Variants in JUP observed in about 807,000 individuals in gnomAD.
The protein encoded by JUP is catenin (cadherin-associated protein), gamma 80kDa.
A neutral mutation model predicts 71.1 loss-of-function variants in JUP; 28 were observed. The ratio of observed to expected loss-of-function variants is 0.39; its 90% CI spans 0.29 to 0.54. The LOEUF is 0.54. JUP is among the 20% of genes least tolerant of loss of function. The pLI, the probability that JUP is intolerant of heterozygous loss-of-function variation, is 0.62. For missense variants in JUP, 869 were observed against 1,030.1 expected (o/e 0.84, Z 2.14); for synonymous variants, 401 against 438.9 (o/e 0.91, Z 1.08).
At chr17:41,773,696 G>T (rs1423910050) in intron 1 of JUP, among the ~76,000 whole-genome samples, 1 of 152,014 alleles carries the variant, frequency 6.6e-6, no homozygotes, top group Non-Finnish European at 1.5e-5. Context: ...GGGGGGCGGG[G>T]GGCGGGGTGC....
Position 41,755,672 on chromosome 17 carries a change from G to C in JUP, c.*72C>G. ...CAGGTTTCAGCGGGGAGATGGGAGG[G>C]CCTCCAACAGAAGGAGGTTCTAGAG... On this transcript the variant is annotated 3_prime_UTR_variant, in exon 14 of 14. Transcript: ENST00000393931. The C allele has an allele frequency of 7.3e-7, 1 of 1,377,376 alleles. No individual in the cohort carries two copies. Among genetic ancestry groups the C allele is most frequent in the Non-Finnish European group, 9.7e-7 (1 of 1,026,050 alleles). 85.3% of individuals were successfully genotyped at this position (1,377,376 alleles called of 1,614,324 possible). A position where few individuals can be genotyped will look rare whatever the true frequency, so the allele number is the denominator to read the frequency against.
intron 12 of JUP, 89 bp from the exon 13 acceptor site, chr17:41,756,303 TA>T: frequency 6.7e-6 from 9 of 1,340,492 alleles, no homozygotes. Context: ...GAGATGCTTC[TA>T]AAAGAGGGGG....
Position 41,769,657 on chromosome 17 carries a change from A to G in JUP, c.229T>C (p.Ser77Pro). 1 of 1,608,720 alleles carries G rather than the reference A, an allele frequency of 6.2e-7. No homozygotes were observed. Among genetic ancestry groups the G allele is most frequent in the Non-Finnish European group, 8.5e-7 (1 of 1,178,372 alleles). ...ACCCGTTTGGCCCTGGCTGTTGTGG[A>G]CATCTGGTACTCCAGATCACCTGGG... ...PSQGDLEYQMSTTARAKRVRE... is the reference protein window; with the variant it reads ...PSQGDLEYQMPTTARAKRVRE... Residue 77 changes from serine (S) to proline (P), a missense_variant, in exon 3 of 14, where the codon TCC becomes CCC. By Grantham distance (74) the Ser-to-Pro change is moderately conservative. Transcript: ENST00000393931.
At chr17:41,760,375 C>G (rs1555600621) in intron 8 of JUP, among the ~76,000 whole-genome samples, 1 of 151,146 alleles carries the variant, frequency 6.6e-6, no homozygotes, top group African/African-American at 2.4e-5. Context: ...CCTGCCTCAG[C>G]CTCCTGAGTA....
chr17:41,771,869 G>A lies in JUP; in HGVS notation c.-8-7C>T, dbSNP rs1555607177. ...ATCACCTCCATCGTGGCTACTGGGGGCACAAAGGAGGAAGTCAGGAAGCAG... is the reference window on the plus strand; with the variant it reads ...ATCACCTCCATCGTGGCTACTGGGGACACAAAGGAGGAAGTCAGGAAGCAG... On this transcript the variant is annotated splice_region_variant and splice_polypyrimidine_tract_variant and intron_variant, in intron 1 of 13. Transcript: ENST00000393931. 2 of 1,599,836 alleles carry A rather than the reference G, an allele frequency of 1.3e-6. No homozygotes were observed. The highest frequency in any genetic ancestry group is 1.7e-6 in the Non-Finnish European group (2 of 1,173,026).
At chr17:41,757,280 G>T in intron 12 of JUP, 135 bp downstream of exon 12, 1 of 1,032,820 alleles carries the variant, frequency 9.7e-7, no homozygotes, top group Non-Finnish European at 1.5e-6. Flanking sequence ...CATCTGCTAG[G>T]AATTGTTATA....
At position 41,763,144 on chromosome 17, in the gene JUP, C is replaced by A. The variant is rs781876461; in HGVS notation, c.1336G>T (p.Gly446Cys). The A allele has an allele frequency of 1.8e-5, 29 of 1,614,112 alleles. No homozygotes were observed. The highest frequency in any genetic ancestry group is 2.5e-5 in the Non-Finnish European group (29 of 1,180,056). The change falls in exon 8 of 14, where the codon GGT becomes TGT. Residue 446 changes from glycine to cysteine, a missense_variant. Coordinates refer to ENST00000393931, the MANE Select transcript of JUP (RefSeq NM_002230.4). ...GGCTCCGTGATGTCGTCCTTGTCAC[C>A]AGCACGCAGGATGGCATGGATGAGA... ...EALIHAILRA[G>C]DKDDITEPAV... is the part of the protein sequence containing the mutation.
chr17:41,757,919 A>G, intron 10 of JUP, 135 bp from the exon 11 acceptor site: 1 of 718,838 alleles, frequency 1.4e-6, no homozygotes, highest in Non-Finnish European at 2.3e-6. Flanking sequence ...CTGGGGAGTA[A>G]GTGTTACTGC....
chr17:41,758,662 A>T (rs782816517), intron 9 of JUP, 53 bp downstream of exon 9: 32 of 1,590,990 alleles, frequency 2.0e-5, no homozygotes, highest in Non-Finnish European at 2.5e-5. Flanking sequence ...ACACCCACAG[A>T]GGACACCCTG....
chr17:41,784,272 G>A (rs1451224769), intron 1 of JUP, among the ~76,000 whole-genome samples: 1 of 152,060 alleles, frequency 6.6e-6, no homozygotes, highest in African/African-American at 2.4e-5. Flanking sequence ...CCCAAACAGA[G>A]GCTCCAGAGG....
chr17:41,757,438 G>A lies in JUP; in HGVS notation c.2023C>T (p.His675Tyr). 1 of 1,614,256 alleles carries A rather than the reference G, an allele frequency of 6.2e-7. No homozygotes were observed. The highest frequency in any genetic ancestry group is 8.5e-7 in the Non-Finnish European group (1 of 1,180,042). ...ACAGCCTCCCAGGCAGCCGGGTCAT[G>A]CTTGAAGAGGGAGTTGGTGAGCTCC... ...SVELTNSLFK[H>Y]DPAAWEAAQS... is the part of the protein sequence containing the mutation. The change falls in exon 12 of 14, where the codon CAT becomes TAT. Residue 675 changes from histidine to tyrosine, a missense_variant. By Grantham distance (83) the His-to-Tyr change is moderately conservative. Coordinates refer to ENST00000393931, the MANE Select transcript of JUP (RefSeq NM_002230.4).
rs1285789744 is a variant in JUP at position 41,755,803 on chromosome 17, C to T, written c.2179G>A (p.Asp727Asn). The T allele has an allele frequency of 1.5e-5, 24 of 1,612,854 alleles. No individual in the cohort carries two copies. The Admixed American group carries it at 2.7e-4, about 18-fold the overall frequency. The change falls in exon 14 of 14, where the codon GAC becomes AAC. Residue 727 changes from aspartate to asparagine, a missense_variant. By Grantham distance (23) the Asp-to-Asn change is conservative. Transcript: ENST00000393931. ...GGCCTGAGGCCGTCGCTGTAGGTGTCGATGGGGTAGTCTCCATCCATGTCC... is the reference window on the plus strand; with the variant it reads ...GGCCTGAGGCCGTCGCTGTAGGTGTTGATGGGGTAGTCTCCATCCATGTCC... ...HMDMDGDYPI[D>N]TYSDGLRPPY... is the part of the protein sequence containing the mutation.
At chr17:41,781,440 G>C (rs1383096615) in intron 1 of JUP, among the ~76,000 whole-genome samples, 1 of 152,224 alleles carries the variant, frequency 6.6e-6, no homozygotes, top group African/African-American at 2.4e-5. Context: ...ATGCCAGGAG[G>C]CTGAGCAAAG....
At position 41,769,200 on chromosome 17, in the gene JUP, A is replaced by G. The variant is rs1337881483; in HGVS notation, c.476T>C (p.Val159Ala). 17 of 1,600,354 alleles carry G rather than the reference A, an allele frequency of 1.1e-5. No individual in the cohort carries two copies. The highest frequency in any genetic ancestry group is 1.4e-5 in the Non-Finnish European group (16 of 1,179,898). ...GTTCACAATCATGGCCGCCTTGGTCACCACCACCTGGAGGGCAAAGGCAGG... is the reference window on the plus strand; with the variant it reads ...GTTCACAATCATGGCCGCCTTGGTCGCCACCACCTGGAGGGCAAAGGCAGG... ...KLLNDEDPVV[V>A]TKAAMIVNQL... The change falls in exon 4 of 14, where the codon GTG (valine) becomes GCG (alanine). Residue 159 changes from valine (V) to alanine (A), a missense_variant. Coordinates refer to ENST00000393931, the MANE Select transcript of JUP (RefSeq NM_002230.4).
intron 1 of JUP, 51 bp from the exon 2 acceptor site, chr17:41,771,913 C>T: frequency 6.8e-7 from 1 of 1,480,570 alleles, no homozygotes; most frequent in Non-Finnish European, 9.2e-7. Flanking sequence ...CTGGCCCAGC[C>T]CCCAGCTTCA....
intron 8 of JUP, among the ~76,000 whole-genome samples, 182 bp downstream of exon 8, chr17:41,762,801 A>G (rs1166518197): frequency 6.6e-6 from 1 of 152,182 alleles, no homozygotes; most frequent in East Asian, 1.9e-4. Context: ...TAGAAATCCC[A>G]ATTCTGGAAT....
Position 41,758,761 on chromosome 17 carries a change from T to A in JUP, c.1607A>T (p.Gln536Leu). 6.2e-7 allele frequency: 1 copy of A among 1,608,914 alleles called. No homozygotes were observed. The highest frequency in any genetic ancestry group is 8.5e-7 in the Non-Finnish European group (1 of 1,177,836). Residue 536 changes from glutamine (Q) to leucine (L), a missense_variant, in exon 9 of 14, where the codon CAG becomes CTG. Gln to Leu is a moderately radical substitution (Grantham distance 113). Coordinates refer to ENST00000393931, the MANE Select transcript of JUP (RefSeq NM_002230.4). Reference protein sequence around the residue: ...RLVQLLVKAHQDAQRHVAAGT... With the variant: ...RLVQLLVKAHLDAQRHVAAGT... ...TGCAGCTACGTGGCGCTGGGCATCC[T>A]GGTGGGCCTTCACCAGCAGTTGGAC...
At position 41,758,751 on chromosome 17, in the gene JUP, C is replaced by T. The variant is rs1012247750; in HGVS notation, c.1617G>A (p.Gln539=). The change falls in exon 9 of 14, where the codon CAG becomes CAA. Residue 539 remains glutamine, a synonymous_variant. Transcript: ENST00000393931. The part of the protein sequence containing the change: ...QLLVKAHQDA[Q]RHVAAGTQQP... ...GCTGTGTGCCTGCAGCTACGTGGCGCTGGGCATCCTGGTGGGCCTTCACCA... is the reference window on the plus strand; with the variant it reads ...GCTGTGTGCCTGCAGCTACGTGGCGTTGGGCATCCTGGTGGGCCTTCACCA... 2 of 1,607,302 alleles carry T rather than the reference C, an allele frequency of 1.2e-6. No individual in the cohort carries two copies. Among genetic ancestry groups the T allele is most frequent in the South Asian group, 1.1e-5 (1 of 89,968 alleles).
Position 41,769,659 on chromosome 17 carries a change from A to C in JUP, c.227T>G (p.Met76Arg), listed in dbSNP as rs782144363. Residue 76 changes from methionine to arginine, a missense_variant, in exon 3 of 14, where the codon ATG becomes AGG. By Grantham distance (91) the Met-to-Arg change is moderately conservative. Transcript: ENST00000393931. ...CCGTTTGGCCCTGGCTGTTGTGGAC[A>C]TCTGGTACTCCAGATCACCTGGGGG... ...PPSQGDLEYQ[M>R]STTARAKRVR... 6.2e-7 allele frequency: 1 copy of C among 1,608,828 alleles called. No homozygotes were observed. The highest frequency in any genetic ancestry group is 8.5e-7 in the Non-Finnish European group (1 of 1,178,444).
Sources: gnomAD v4.1 joint callset for allele counts (sites outside exome capture counted in the v4.1 genomes callset) on GRCh38, gnomAD v4.1.1 for gene constraint, MANE v1.5 for transcripts, NCBI Gene and HGNC (gene_info 2026-07-23, HGNC 2026-07-21) for gene names.